EFCAB5: variants seen among roughly 807,000 people sequenced by gnomAD.
The protein encoded by EFCAB5 is EF-hand calcium binding domain 5.
A neutral mutation model predicts 167.9 loss-of-function variants in EFCAB5; 131 were observed. The observed-to-expected ratio is 0.78, with a 90% CI of 0.68 to 0.90. The LOEUF (loss-of-function observed/expected upper bound fraction) is 0.90. Among genes scored for constraint, EFCAB5 ranks in the 40% least tolerant of loss-of-function variants. EFCAB5 has a pLI of 0.00. For missense variants in EFCAB5, 1,663 were observed against 1,745.2 expected (o/e 0.95, Z 0.84); for synonymous variants, 574 against 602.8 (o/e 0.95, Z 0.70).
At chr17:29,952,724 G>A (rs943531433) in intron 3 of EFCAB5, among the ~76,000 whole-genome samples, 1 of 152,034 alleles carries the variant, frequency 6.6e-6, no homozygotes, top group Non-Finnish European at 1.5e-5. Context: ...ATAAAAATAA[G>A]TGCATGGAAA....
intron 22 of EFCAB5, among the ~76,000 whole-genome samples, chr17:30,093,923 C>T (rs557287145): frequency 6.6e-6 from 1 of 152,212 alleles, no homozygotes; most frequent in Non-Finnish European, 1.5e-5. Context: ...TTCGGGGTGC[C>T]TTTCTGTTTG....
chr17:30,090,698 TA>T, intron 20 of EFCAB5, 24 bp downstream of exon 20: 10 of 1,593,388 alleles, frequency 6.3e-6, no homozygotes, highest in Non-Finnish European at 8.5e-6. Flanking sequence ...GGCATCAGTC[TA>T]AATTCACAGG....
chr17:30,079,635 AT>A (rs972201809), intron 15 of EFCAB5, among the ~76,000 whole-genome samples: 7 of 151,972 alleles, frequency 4.6e-5, no homozygotes, highest in African/African-American at 1.2e-4. Flanking sequence ...CCTCGAGAGC[AT>A]TTTTTTTCAC....
intron 3 of EFCAB5, among the ~76,000 whole-genome samples, chr17:29,948,033 C>A (rs2067438443): frequency 6.6e-6 from 1 of 152,078 alleles, no homozygotes; most frequent in Admixed American, 6.6e-5. Context: ...ACCATGTTGG[C>A]CAGGCTGGTC....
intron 4 of EFCAB5, among the ~76,000 whole-genome samples, chr17:29,984,015 C>A (rs1190230010): frequency 6.6e-6 from 1 of 151,914 alleles, no homozygotes; most frequent in Non-Finnish European, 1.5e-5. Flanking sequence ...TTAGTACTTA[C>A]CCTAAAATTC....
At chr17:29,992,319 T>C (rs2068438431) in intron 4 of EFCAB5, among the ~76,000 whole-genome samples, 1 of 152,198 alleles carries the variant, frequency 6.6e-6, no homozygotes, top group African/African-American at 2.4e-5. Flanking sequence ...TCTTTCTTTT[T>C]AAAGGCTGTA....
intron 14 of EFCAB5, chr17:30,069,492 TG>T: frequency 6.3e-7 from 1 of 1,597,568 alleles, no homozygotes; most frequent in African/African-American, 1.3e-5. Flanking sequence ...CAGTTAGTTG[TG>T]GGGGCAACTG....
chr17:30,025,055 A>G (rs2151716504), intron 7 of EFCAB5, among the ~76,000 whole-genome samples: 1 of 152,214 alleles, frequency 6.6e-6, no homozygotes, highest in Admixed American at 6.5e-5. Flanking sequence ...AAAGACTTAA[A>G]CGTTAGACCT....
chr17:30,090,189 G>T (rs1237870506), intron 19 of EFCAB5, among the ~76,000 whole-genome samples: 1 of 152,174 alleles, frequency 6.6e-6, no homozygotes, highest in African/African-American at 2.4e-5. Context: ...CTTGAGATTG[G>T]GTGGTCAGGG....
intron 4 of EFCAB5, among the ~76,000 whole-genome samples, chr17:29,992,397 G>C (rs1431897041): frequency 1.3e-5 from 2 of 152,124 alleles, no homozygotes; most frequent in Non-Finnish European, 2.9e-5. Flanking sequence ...ACCCAGGCTG[G>C]AGTGCAGTGG....
intron 5 of EFCAB5, 59 bp from the exon 6 acceptor site, chr17:29,996,253 A>G: frequency 1.5e-6 from 2 of 1,368,778 alleles, no homozygotes; most frequent in Non-Finnish European, 2.0e-6. Flanking sequence ...AATAACAAAT[A>G]TGTGGTAACT....
intron 7 of EFCAB5, among the ~76,000 whole-genome samples, chr17:30,024,241 T>A (rs2151714370): frequency 6.6e-6 from 1 of 152,078 alleles, no homozygotes; most frequent in South Asian, 2.1e-4. Flanking sequence ...GAAGTCAAAT[T>A]GTCCCTGTTT....
chr17:29,937,872 T>A (rs1454630406), upstream of EFCAB5, among the ~76,000 whole-genome samples: 1 of 152,180 alleles, frequency 6.6e-6, no homozygotes, highest in Non-Finnish European at 1.5e-5. Context: ...AGGATTAACA[T>A]CAGTTTAGAA....
chr17:29,941,818 G>GAGGAA lies in EFCAB5; in HGVS notation c.23_27dup (p.Leu10ArgfsTer20). On this transcript the variant is annotated frameshift_variant, in exon 1 of 23. Transcript: ENST00000394835. LOFTEE classifies it high-confidence loss of function. Reference sequence around the variant, plus strand: ...CCAAATGAATGAGTCAGCATCTCAAGAGGAACTCAGACCTGCTCAGGTTCT... The same window carrying GAGGAA: ...CCAAATGAATGAGTCAGCATCTCAAGAGGAAAGGAACTCAGACCTGCTCAGGTTCT... 1 of 1,605,500 alleles carries GAGGAA rather than the reference G, an allele frequency of 6.2e-7. No homozygotes were observed. Among genetic ancestry groups the GAGGAA allele is most frequent in the Non-Finnish European group, 8.5e-7 (1 of 1,175,356 alleles).
chr17:29,992,788 T>A (rs2068450135), intron 4 of EFCAB5, among the ~76,000 whole-genome samples: 1 of 152,208 alleles, frequency 6.6e-6, no homozygotes, highest in Non-Finnish European at 1.5e-5. Context: ...TGATTTCAGA[T>A]CTTTTGGGTA....
intron 22 of EFCAB5, among the ~76,000 whole-genome samples, chr17:30,093,741 G>C (rs1307953913): frequency 3.9e-5 from 6 of 152,132 alleles, no homozygotes; most frequent in Admixed American, 3.9e-4. Flanking sequence ...GACTCAGCCA[G>C]AAAATAGCCC....
At chr17:30,030,856 T>C (rs1306296780) in intron 7 of EFCAB5, among the ~76,000 whole-genome samples, 5 of 152,104 alleles carry the variant, frequency 3.3e-5, no homozygotes, top group African/African-American at 1.2e-4. Flanking sequence ...GGTCTTCCTA[T>C]GTTGCTCAGG....
Position 29,970,671 on chromosome 17 carries a change from C to CACACACAT in EFCAB5, c.767+1311_767+1312insTACACACA, listed in dbSNP as rs1555550721. 5.3e-4 allele frequency among the ~76,000 whole-genome samples: 74 copies of CACACACAT among 140,322 alleles called. No individual in the cohort carries two copies. The East Asian group carries it at 0.013, about 25-fold the overall frequency. The allele number at this position is 140,322 out of a possible 152,430, so 92.1% of individuals were successfully genotyped here. On this transcript the variant is annotated intron_variant, in intron 4 of 22. Coordinates refer to ENST00000394835, the MANE Select transcript of EFCAB5 (RefSeq NM_198529.4). ...ACACACACACACACACACACACATA[C>CACACACAT]ACACACACACACACACACACACCAG...
rs924310037 is a variant in EFCAB5, at chr17:30,068,674, G to A, written c.2737+8973G>A. On this transcript the variant is annotated intron_variant, in intron 14 of 22. Coordinates refer to ENST00000394835, the MANE Select transcript of EFCAB5 (RefSeq NM_198529.4). ...GCTATTCCGGGCCAGCGTCAAGACC[G>A]TGAAGACGCAGAACAAGGCACTGGG... 8 of 1,563,626 alleles carry A rather than the reference G, an allele frequency of 5.1e-6. No homozygotes were observed. In the African/African-American group the frequency reaches 8.1e-5, roughly 16 times the overall value.
Sources: gnomAD v4.1 joint callset for allele counts (sites outside exome capture counted in the v4.1 genomes callset) on GRCh38, gnomAD v4.1.1 for gene constraint, MANE v1.5 for transcripts, NCBI Gene and HGNC (gene_info 2026-07-23, HGNC 2026-07-21) for gene names.